The following C4orf51 variants were observed in gnomAD, a reference collection of about 807,000 sequenced individuals.
The protein encoded by C4orf51 is chromosome 4 open reading frame 51.
C4orf51 carries 25 observed loss-of-function variants against 25.2 expected under a neutral mutation model. That is an observed-to-expected ratio of 0.99 (90% confidence interval 0.72 to 1.39). C4orf51 has a LOEUF of 1.39. C4orf51 is among the 40% of genes most tolerant of loss of function. The probability of loss-of-function intolerance (pLI) is 0.00; values close to 1 mark genes in which losing one functional copy is unlikely to be tolerated. For synonymous variants in C4orf51, 100 were observed against 84.5 expected (o/e 1.18, Z -1.01); for missense variants, 252 against 239.6 (o/e 1.05, Z -0.34).
chr4:145,731,607 G>A (rs976139399), intron 5 of C4orf51, among the ~76,000 whole-genome samples: 1 of 90,330 alleles, frequency 1.1e-5, no homozygotes, highest in African/African-American at 4.6e-5. Context: ...TGAGACAGGA[G>A]TTTCACTCTT....
intron 2 of C4orf51, among the ~76,000 whole-genome samples, chr4:145,719,982 G>A (rs913191526): frequency 4.6e-5 from 7 of 152,168 alleles, no homozygotes; most frequent in Non-Finnish European, 8.8e-5. Context: ...AGTATCTCGT[G>A]GCTTCCGAGC....
At chr4:145,715,051 C>A (rs998133113) in intron 2 of C4orf51, among the ~76,000 whole-genome samples, 3 of 152,178 alleles carry the variant, frequency 2.0e-5, no homozygotes, top group African/African-American at 7.2e-5. Context: ...GGGCTGTCTG[C>A]ACATGCCATC....
At chr4:145,774,691 G>A (rs1184561406), downstream of C4orf51, 2 of 1,608,636 alleles carry the variant, frequency 1.2e-6, no homozygotes, top group East Asian at 2.2e-5. Context: ...AAGGGTAAAA[G>A]AAAAGAGGGG....
chr4:145,780,915 CGCTGGGT>C, the C4orf51 span, among the ~76,000 whole-genome samples: 475 of 152,288 alleles, frequency 3.1e-3, 3 homozygotes, highest in African/African-American at 0.011. Context: ...AAAATGCTCA[CGCTGGGT>C]GCAGTGGCTC....
chr4:145,684,330 A>G (rs1256543859), intron 1 of C4orf51, among the ~76,000 whole-genome samples: 1 of 152,076 alleles, frequency 6.6e-6, no homozygotes, highest in Non-Finnish European at 1.5e-5. Context: ...AAAATACAAA[A>G]AATTAGCCAG....
At chr4:145,782,700 T>C in the C4orf51 span, among the ~76,000 whole-genome samples, 4,412 of 152,282 alleles carry the variant, frequency 0.029, 203 homozygotes, top group African/African-American at 0.099. Flanking sequence ...TTGTTCTGTA[T>C]GGCAAAGGCT....
chr4:145,713,347 C>T (rs1319248435), intron 2 of C4orf51, among the ~76,000 whole-genome samples: 2 of 152,098 alleles, frequency 1.3e-5, no homozygotes, highest in Non-Finnish European at 2.9e-5. Context: ...GTCTAGATGC[C>T]ATTAAGAATA....
intron 1 of C4orf51, among the ~76,000 whole-genome samples, chr4:145,744,667 C>T (rs1341553995): frequency 2.0e-5 from 3 of 151,932 alleles, no homozygotes; most frequent in African/African-American, 7.3e-5. Flanking sequence ...AAAAAATTAG[C>T]AATTCTACAA....
intron 2 of C4orf51, among the ~76,000 whole-genome samples, chr4:145,721,687 GT>G (rs1227286832): frequency 1.3e-5 from 2 of 152,218 alleles, no homozygotes; most frequent in Admixed American, 1.3e-4. Flanking sequence ...AGCCAAGCCT[GT>G]TATTAAGAAG....
the C4orf51 span, among the ~76,000 whole-genome samples, chr4:145,778,952 T>A: frequency 6.6e-6 from 1 of 152,200 alleles, no homozygotes; most frequent in African/African-American, 2.4e-5. Flanking sequence ...ACCAACCATA[T>A]TTCTCCACAA....
intron 1 of C4orf51, among the ~76,000 whole-genome samples, chr4:145,690,110 G>A (rs1304774009): frequency 2.0e-5 from 3 of 151,898 alleles, no homozygotes; most frequent in Non-Finnish European, 4.4e-5. Context: ...GGGAGGCTGA[G>A]GCAGGAGAAT....
chr4:145,763,863 C>T lies in C4orf51; in HGVS notation n.167-7125C>T, dbSNP rs1407332543. The stretch of plus-strand genomic sequence containing the variant: ...CAATCCCTTCTGCCCTCCCCTCCCC[C>T]TCCCCCAAGAGTGAAACGAAATGGA... On this transcript the variant is annotated intron_variant and non_coding_transcript_variant, in intron 1 of 1. Coordinates refer to the C4orf51 transcript ENST00000510096. This position sits in a 1 kb window ranked among gnomAD's most constrained non-coding sequence, Gnocchi z 4.6. Among the ~76,000 whole-genome samples, 2 of 152,182 alleles carry T rather than the reference C, an allele frequency of 1.3e-5. No homozygotes were observed. The highest frequency in any genetic ancestry group is 2.9e-5 in the Non-Finnish European group (2 of 68,044).
the C4orf51 span, chr4:145,779,343 A>T: frequency 9.9e-6 from 16 of 1,608,282 alleles, no homozygotes; most frequent in Non-Finnish European, 1.4e-5. Context: ...TGGAGCATAG[A>T]GGGCTGACAG....
At chr4:145,722,574 GTTA>G (rs1284394074) in intron 2 of C4orf51, among the ~76,000 whole-genome samples, 1 of 152,124 alleles carries the variant, frequency 6.6e-6, no homozygotes, top group East Asian at 1.9e-4. Flanking sequence ...TATCCCAATG[GTTA>G]ACACATCTCT....
intron 1 of C4orf51, among the ~76,000 whole-genome samples, chr4:145,745,717 C>A (rs1000640263): frequency 2.6e-5 from 4 of 152,184 alleles, no homozygotes; most frequent in East Asian, 1.9e-4. Context: ...ATACTGATTT[C>A]TTTTCCTTTG....
At chr4:145,729,079 G>T in intron 3 of C4orf51, 90 bp from the exon 4 acceptor site, 1 of 898,444 alleles carries the variant, frequency 1.1e-6, no homozygotes, top group East Asian at 2.7e-5. Context: ...ATGCAGGGGT[G>T]GGGAGGAACA....
downstream of C4orf51, among the ~76,000 whole-genome samples, chr4:145,733,579 C>G (rs1051223845): frequency 6.6e-6 from 1 of 151,368 alleles, no homozygotes; most frequent in Non-Finnish European, 1.5e-5. Context: ...CTCCTAGTTA[C>G]CAAGACCGTC....
chr4:145,732,408 C>T (rs1001435683), intron 5 of C4orf51, 45 bp from the exon 6 acceptor site: 1 of 1,259,604 alleles, frequency 7.9e-7, no homozygotes, highest in Non-Finnish European at 1.2e-6. Flanking sequence ...GAAAAGTGAC[C>T]TTTGCGGATG....
intron 1 of C4orf51, among the ~76,000 whole-genome samples, chr4:145,749,244 A>G (rs1733545555): frequency 6.6e-6 from 1 of 152,032 alleles, no homozygotes; most frequent in Non-Finnish European, 1.5e-5. Flanking sequence ...AGCATGAAAT[A>G]TCTTTTTCCA....
Sources: allele counts gnomAD v4.1 joint callset (sites outside exome capture counted in the v4.1 genomes callset), GRCh38; gene constraint gnomAD v4.1.1; non-coding constraint Gnocchi (gnomAD v3.1); transcripts MANE v1.5; gene names NCBI Gene and HGNC (gene_info 2026-07-23, HGNC 2026-07-21).